The following CCDC12 variants were observed in gnomAD, a reference collection of about 807,000 sequenced individuals.
CCDC12 encodes coiled-coil domain-containing protein 12.
Under a neutral mutation model 25.7 loss-of-function variants are expected in CCDC12, and 28 were observed. The ratio of observed to expected loss-of-function variants is 1.09; its 90% CI spans 0.81 to 1.50. CCDC12 has a LOEUF of 1.50. Ranked by LOEUF, CCDC12 falls within the 40% of genes most tolerant of loss-of-function variation. The pLI, the probability that CCDC12 is intolerant of heterozygous loss-of-function variation, is 0.00. For synonymous variants in CCDC12, 75 were observed against 87.7 expected (o/e 0.86, Z 0.81); for missense variants, 198 against 210.0 (o/e 0.94, Z 0.35).
At chr3:46,974,175 G>A (rs2034895082) in intron 1 of CCDC12, among the ~76,000 whole-genome samples, 1 of 152,206 alleles carries the variant, frequency 6.6e-6, no homozygotes. Flanking sequence ...AACAGTGATT[G>A]CCAGGGGCTG....
intron 2 of CCDC12, chr3:46,940,684 A>T (rs566282935): frequency 5.8e-6 from 2 of 344,236 alleles, no homozygotes; most frequent in African/African-American, 4.1e-5. Flanking sequence ...AGGGGCACTT[A>T]CTCAGTAGGC....
At chr3:46,939,543 A>G (rs1437704299) in intron 2 of CCDC12, among the ~76,000 whole-genome samples, 1 of 152,154 alleles carries the variant, frequency 6.6e-6, no homozygotes, top group African/African-American at 2.4e-5. Flanking sequence ...AAAGCCACAT[A>G]TGTTGGGGTC....
intron 1 of CCDC12, among the ~76,000 whole-genome samples, chr3:46,952,215 T>C (rs2034151134): frequency 1.3e-5 from 2 of 152,082 alleles, no homozygotes; most frequent in South Asian, 2.1e-4. Context: ...AGGAACCACC[T>C]GGGGAGGCAG....
At chr3:46,966,939 T>C (rs1400181025) in intron 1 of CCDC12, among the ~76,000 whole-genome samples, 2 of 151,918 alleles carry the variant, frequency 1.3e-5, no homozygotes, top group African/African-American at 4.8e-5. Flanking sequence ...CCCACCAAGT[T>C]TCCTTGGATT....
intron 5 of CCDC12, 154 bp downstream of exon 5, chr3:46,923,175 A>G: frequency 1.3e-6 from 1 of 779,078 alleles, no homozygotes; most frequent in Non-Finnish European, 1.8e-6. Context: ...TGTCCTCCTC[A>G]GCACTGGTTT....
At chr3:46,927,820 A>G (rs373425350) in intron 2 of CCDC12, among the ~76,000 whole-genome samples, 8 of 152,320 alleles carry the variant, frequency 5.3e-5, no homozygotes, top group South Asian at 2.1e-4. Context: ...AAAATGGTGC[A>G]GTCTCTGACC....
intron 1 of CCDC12, among the ~76,000 whole-genome samples, chr3:46,957,898 G>A (rs749020048): frequency 2.6e-5 from 4 of 151,558 alleles, no homozygotes; most frequent in Non-Finnish European, 5.9e-5. Context: ...AGCTGAGATC[G>A]TGCCACTGCA....
chr3:46,961,413 A>C (rs1360527021), intron 1 of CCDC12, among the ~76,000 whole-genome samples: 1 of 152,236 alleles, frequency 6.6e-6, no homozygotes, highest in African/African-American at 2.4e-5. Context: ...GAGGTAACAC[A>C]TATTTCTAGT....
upstream of CCDC12, among the ~76,000 whole-genome samples, chr3:46,980,641 T>C (rs1456129579): frequency 2.0e-5 from 3 of 152,124 alleles, no homozygotes; most frequent in Non-Finnish European, 2.9e-5. Context: ...GGCCCGTTCC[T>C]CCTGAGCTCC....
At chr3:46,934,487 A>C (rs2033362061) in intron 2 of CCDC12, among the ~76,000 whole-genome samples, 1 of 152,204 alleles carries the variant, frequency 6.6e-6, no homozygotes, top group South Asian at 2.1e-4. Context: ...TCACCTATAA[A>C]TGCAGATCAC....
intron 2 of CCDC12, among the ~76,000 whole-genome samples, chr3:46,930,437 T>G (rs1023087299): frequency 6.6e-6 from 1 of 152,210 alleles, no homozygotes; most frequent in African/African-American, 2.4e-5. Flanking sequence ...CATGCTTTTT[T>G]GGGGCTTTCT....
intron 1 of CCDC12, among the ~76,000 whole-genome samples, chr3:46,959,090 G>A (rs2034387043): frequency 6.6e-6 from 1 of 152,174 alleles, no homozygotes; most frequent in Non-Finnish European, 1.5e-5. Flanking sequence ...TGATCTACAA[G>A]TGATAAAAAT....
chr3:46,960,186 G>T (rs2034420557), intron 1 of CCDC12, among the ~76,000 whole-genome samples: 1 of 152,026 alleles, frequency 6.6e-6, no homozygotes, highest in African/African-American at 2.4e-5. Flanking sequence ...CGTGCTTGAG[G>T]CAAGGGCCAG....
intron 1 of CCDC12, among the ~76,000 whole-genome samples, chr3:46,948,919 G>C (rs1186724352): frequency 3.9e-5 from 3 of 76,686 alleles, no homozygotes; most frequent in African/African-American, 1.3e-4. Flanking sequence ...AATACTGACT[G>C]GCTCCCCTGT....
intron 1 of CCDC12, among the ~76,000 whole-genome samples, chr3:46,970,666 A>G (rs1307712588): frequency 1.3e-5 from 2 of 152,226 alleles, no homozygotes; most frequent in African/African-American, 4.8e-5. Flanking sequence ...CAGAGCAGCA[A>G]GAGACAGCCC....
intron 2 of CCDC12, among the ~76,000 whole-genome samples, chr3:46,936,630 C>T (rs1335661256): frequency 2.0e-5 from 3 of 152,222 alleles, no homozygotes; most frequent in South Asian, 2.1e-4. Flanking sequence ...CTTGACCTTA[C>T]TCCATCTGTC....
At position 46,923,328 on chromosome 3, in the gene CCDC12, C is replaced by G; in HGVS notation, c.341+1G>C. ...ACCCGCCACGCACGGGCAACACTCA[C>G]CAGTCAGGCTTCCGAGGAGCGAGGT... On this transcript the variant is annotated splice_donor_variant, in intron 5 of 6. Coordinates refer to ENST00000683445, the MANE Select transcript of CCDC12 (RefSeq NM_001277074.2). LOFTEE classifies it high-confidence loss of function. 6.7e-7 allele frequency: 1 copy of G among 1,489,176 alleles called. No homozygotes were observed. Among genetic ancestry groups the G allele is most frequent in the Non-Finnish European group, 8.9e-7 (1 of 1,118,472 alleles). The allele number at this position is 1,489,176 out of a possible 1,614,324, so 92.2% of individuals were successfully genotyped here.
At chr3:46,956,831 C>CG (rs11390218) in intron 1 of CCDC12, among the ~76,000 whole-genome samples, 141,819 of 151,586 alleles carry the variant, frequency 0.94, 67,102 homozygotes, top group East Asian at 1. Context: ...CACCCACCCC[C>CG]CCAAAATAAA....
intron 1 of CCDC12, among the ~76,000 whole-genome samples, chr3:46,962,832 C>A (rs2034504388): frequency 6.6e-6 from 1 of 152,180 alleles, no homozygotes; most frequent in Non-Finnish European, 1.5e-5. Flanking sequence ...CCTATATACA[C>A]CCTACGGCCT....
Sources: allele counts gnomAD v4.1 joint callset (sites outside exome capture counted in the v4.1 genomes callset), GRCh38; gene constraint gnomAD v4.1.1; transcripts MANE v1.5; gene names NCBI Gene and HGNC (gene_info 2026-07-23, HGNC 2026-07-21).